The following TMEM178B variants were observed in gnomAD, a reference collection of about 807,000 sequenced individuals.
TMEM178B encodes transmembrane protein 178B.
In TMEM178B, 5 loss-of-function variants were observed where a neutral mutation model predicts 31.0. That is an observed-to-expected ratio of 0.16 (90% CI 0.08 to 0.34). The LOEUF is 0.34. Among genes scored for constraint, TMEM178B ranks in the 10% least tolerant of loss-of-function variants. TMEM178B has a pLI of 1.00. For synonymous variants in TMEM178B, 164 were observed against 164.0 expected, an observed-to-expected ratio of 1.00 and a Z score of 0.00; for missense variants, 275 against 400.3, an observed-to-expected ratio of 0.69 and a Z score of 2.67.
intron 2 of TMEM178B, among the ~76,000 whole-genome samples, chr7:141,376,875 G>T (rs917240454): frequency 6.6e-6 from 1 of 152,088 alleles, no homozygotes; most frequent in Non-Finnish European, 1.5e-5. Context: ...AAATTGGAGA[G>T]AAATTTGAAT....
At chr7:141,117,867 G>A (rs11979322) in intron 1 of TMEM178B, among the ~76,000 whole-genome samples, 47,963 of 151,896 alleles carry the variant, frequency 0.32, 8,121 homozygotes, top group South Asian at 0.53. Flanking sequence ...CCATGGGTCT[G>A]TATGTCTGTT....
chr7:141,144,850 T>C (rs1417210383), intron 1 of TMEM178B, among the ~76,000 whole-genome samples: 1 of 152,048 alleles, frequency 6.6e-6, no homozygotes, highest in Non-Finnish European at 1.5e-5. Flanking sequence ...GAATTCTCAG[T>C]TGGCCCACAA....
chr7:141,241,419 C>A (rs1475546916), intron 2 of TMEM178B, among the ~76,000 whole-genome samples: 6 of 151,700 alleles, frequency 4.0e-5, no homozygotes, highest in African/African-American at 1.2e-4. Flanking sequence ...TGGTGAAAAC[C>A]CGTCTCTACT....
intron 2 of TMEM178B, among the ~76,000 whole-genome samples, chr7:141,397,275 G>C (rs1480531694): frequency 6.6e-6 from 1 of 152,158 alleles, no homozygotes; most frequent in African/African-American, 2.4e-5. Context: ...AGAGCCTTGA[G>C]AGACAAGAAA....
intron 2 of TMEM178B, among the ~76,000 whole-genome samples, chr7:141,321,703 T>G (rs1293172776): frequency 6.6e-6 from 1 of 152,072 alleles, no homozygotes; most frequent in African/African-American, 2.4e-5. Context: ...ATGACAAACC[T>G]TGAGACCAGA....
intron 1 of TMEM178B, among the ~76,000 whole-genome samples, chr7:141,176,914 G>C (rs1796443727): frequency 6.6e-6 from 1 of 152,068 alleles, no homozygotes; most frequent in South Asian, 2.1e-4. Flanking sequence ...TGGATTCATT[G>C]ATTTTTTTGA....
At chr7:141,345,791 T>C (rs1799608915) in intron 2 of TMEM178B, among the ~76,000 whole-genome samples, 1 of 152,250 alleles carries the variant, frequency 6.6e-6, no homozygotes, top group Non-Finnish European at 1.5e-5. Flanking sequence ...CTACCATTTT[T>C]AACATTAGAC....
chr7:141,290,569 A>T (rs531001340), intron 2 of TMEM178B, among the ~76,000 whole-genome samples: 1 of 152,188 alleles, frequency 6.6e-6, no homozygotes, highest in African/African-American at 2.4e-5. Context: ...GCACACACGC[A>T]CACACACGTG....
chr7:141,080,339 G>A lies in TMEM178B; in HGVS notation c.382+5647G>A, dbSNP rs144077444. 1.6e-4 allele frequency among the ~76,000 whole-genome samples: 24 copies of A among 152,270 alleles called. No individual in the cohort carries two copies. The East Asian group carries it at 4.2e-3, about 27-fold the overall frequency. On this transcript the variant is annotated intron_variant, in intron 1 of 3. Transcript: ENST00000565468. ...GACGGACAATAAATAAATACTCCAC[G>A]GCTGGGCACGGTGGCGCACGCCTGT...
chr7:141,176,048 G>T (rs765772044), intron 1 of TMEM178B, among the ~76,000 whole-genome samples: 4 of 152,158 alleles, frequency 2.6e-5, no homozygotes, highest in Non-Finnish European at 4.4e-5. Context: ...TTTTCAAAGG[G>T]AATGCTTCCA....
intron 1 of TMEM178B, among the ~76,000 whole-genome samples, chr7:141,203,321 T>C: frequency 6.6e-6 from 1 of 152,232 alleles, no homozygotes; most frequent in Middle Eastern, 3.4e-3. Context: ...GGCTAGAAAG[T>C]CTAAGAACTG....
At chr7:141,331,631 A>G (rs1158423367) in intron 2 of TMEM178B, among the ~76,000 whole-genome samples, 1 of 152,212 alleles carries the variant, frequency 6.6e-6, no homozygotes, top group South Asian at 2.1e-4. Flanking sequence ...ATGACCACAC[A>G]TATCTCTTGT....
intron 1 of TMEM178B, among the ~76,000 whole-genome samples, chr7:141,149,421 G>A (rs962095520): frequency 2.6e-5 from 4 of 152,222 alleles, no homozygotes; most frequent in African/African-American, 4.8e-5. Context: ...GGTGGTGTAC[G>A]CTTGTAATTC....
intron 1 of TMEM178B, among the ~76,000 whole-genome samples, chr7:141,175,864 C>A (rs1028848082): frequency 2.6e-5 from 4 of 152,130 alleles, no homozygotes; most frequent in African/African-American, 7.2e-5. Flanking sequence ...TGGGCTAAGA[C>A]AATGAAGTTT....
At chr7:141,238,572 GA>G (rs543709656) in intron 2 of TMEM178B, among the ~76,000 whole-genome samples, 572 of 152,336 alleles carry the variant, frequency 3.8e-3, no homozygotes, top group Non-Finnish European at 5.6e-3. Flanking sequence ...CTTCAGAGAA[GA>G]AGAGAAAACA....
At chr7:141,304,178 G>T (rs1011002223) in intron 2 of TMEM178B, among the ~76,000 whole-genome samples, 1 of 152,128 alleles carries the variant, frequency 6.6e-6, no homozygotes, top group South Asian at 2.1e-4. Context: ...TAATTGGTTC[G>T]ATTTTTTAAA....
At chr7:141,112,797 T>A (rs751647690) in intron 1 of TMEM178B, among the ~76,000 whole-genome samples, 9 of 152,172 alleles carry the variant, frequency 5.9e-5, no homozygotes, top group Admixed American at 5.2e-4. Flanking sequence ...CTCAAAACCA[T>A]GCATTTTGTT....
At chr7:141,201,537 C>T (rs1796877468) in intron 1 of TMEM178B, among the ~76,000 whole-genome samples, 1 of 152,178 alleles carries the variant, frequency 6.6e-6, no homozygotes, top group Non-Finnish European at 1.5e-5. Context: ...TGGGTTATCT[C>T]ATTTATTCCT....
chr7:141,285,758 C>T (rs555275141), intron 2 of TMEM178B, among the ~76,000 whole-genome samples: 8 of 152,236 alleles, frequency 5.3e-5, no homozygotes, highest in East Asian at 1.9e-4. Context: ...GAATGCTATA[C>T]AGCCATAAAA....
Sources: allele counts gnomAD v4.1 joint callset (sites outside exome capture counted in the v4.1 genomes callset), GRCh38; gene constraint gnomAD v4.1.1; transcripts MANE v1.5; gene names NCBI Gene and HGNC (gene_info 2026-07-23, HGNC 2026-07-21).